Variants in GPD2 observed in about 807,000 individuals in gnomAD.
GPD2 encodes glycerol-3-phosphate dehydrogenase, mitochondrial.
Under a neutral mutation model 82.4 loss-of-function variants are expected in GPD2, and 54 were observed. The ratio of observed to expected loss-of-function variants is 0.66; its 90% CI spans 0.53 to 0.82. The LOEUF is 0.82. GPD2 is among the 40% of genes least tolerant of loss of function. GPD2 has a pLI of 0.00. For synonymous variants in GPD2, 288 were observed against 306.1 expected, an observed-to-expected ratio of 0.94 and a Z score of 0.62; for missense variants, 748 against 896.2, an observed-to-expected ratio of 0.83 and a Z score of 2.11.
Position 156,496,260 on chromosome 2 carries a change from A to C in GPD2, c.274+45A>C, listed in dbSNP as rs988214746. 3 of 1,266,692 alleles carry C rather than the reference A, an allele frequency of 2.4e-6. No individual in the cohort carries two copies. The Admixed American group carries it at 5.5e-5, about 23-fold the overall frequency. 78.5% of individuals were successfully genotyped at this position (1,266,692 alleles called of 1,614,324 possible). On this transcript the variant is annotated intron_variant, in intron 3 of 16. Coordinates refer to ENST00000438166, the MANE Select transcript of GPD2 (RefSeq NM_000408.5). ...ATTTTAATTTTAAGTTCTGGGGTAC[A>C]TGTGCAGGATGTGCAGGTTTGTTAC...
intron 8 of GPD2, among the ~76,000 whole-genome samples, chr2:156,551,295 A>G (rs972727265): frequency 1.3e-5 from 2 of 152,208 alleles, no homozygotes; most frequent in African/African-American, 4.8e-5. Context: ...GAGTAGAGAT[A>G]AAATAAGAAT....
rs144574456 is a variant in GPD2 at position 156,549,753 on chromosome 2, G to A, written c.807G>A (p.Arg269=). 3 of 1,613,708 alleles carry A rather than the reference G, an allele frequency of 1.9e-6. No individual in the cohort carries two copies. The highest frequency in any genetic ancestry group is 1.7e-6 in the Non-Finnish European group (2 of 1,179,656). Residue 269 remains arginine, a synonymous_variant, in exon 7 of 17, where the codon CGG becomes CGA. Transcript: ENST00000438166. ...QTGKVRVSGA[R]CKDVLTGQEF... ...GGAAAGTGCGTGTGAGCGGCGCACG[G>A]TGCAAGGATGTCCTCACAGGTATGC...
intron 1 of GPD2, among the ~76,000 whole-genome samples, chr2:156,447,040 A>G (rs555779859): frequency 2.0e-5 from 3 of 152,002 alleles, no homozygotes; most frequent in African/African-American, 4.8e-5. Flanking sequence ...GCCTTATTCT[A>G]TGACATTTTT....
chr2:156,505,418 CAAT>C (rs1395714951), intron 3 of GPD2, among the ~76,000 whole-genome samples: 22 of 152,128 alleles, frequency 1.4e-4, no homozygotes, highest in Admixed American at 5.9e-4. Flanking sequence ...TAAAAGTAAT[CAAT>C]AATAAAAACA....
At chr2:156,581,874 A>G (rs1005923744) in intron 16 of GPD2, among the ~76,000 whole-genome samples, 7 of 152,008 alleles carry the variant, frequency 4.6e-5, no homozygotes, top group East Asian at 1.9e-4. Context: ...ACGTGTCTCT[A>G]TAGGCTAAAA....
Position 156,510,898 on chromosome 2 carries a change from T to A in GPD2, c.377T>A (p.Ile126Asn), listed in dbSNP as rs777648806. Reference sequence around the variant, plus strand: ...GGTGTGAGATATCTGCAGAAGGCCATCATGAAGTTGGATATTGAGCAGGTA... The same window carrying A: ...GGTGTGAGATATCTGCAGAAGGCCAACATGAAGTTGGATATTGAGCAGGTA... ...HGGVRYLQKA[I>N]MKLDIEQYRM... The change falls in exon 4 of 17, where the codon ATC (isoleucine) becomes AAC (asparagine). Residue 126 changes from isoleucine (I) to asparagine (N), a missense_variant. Physicochemically the swap from Ile to Asn is moderately radical, Grantham distance 149 (BLOSUM62 -3). This residue lies in a region of GPD2 where 692 missense variants were observed against 809.7 expected (regional missense o/e 0.85). Transcript: ENST00000438166. 33 of 1,613,490 alleles carry A rather than the reference T, an allele frequency of 2.0e-5. No individual in the cohort carries two copies. Among genetic ancestry groups the A allele is most frequent in the Non-Finnish European group, 2.7e-5 (32 of 1,179,530 alleles).
Position 156,513,326 on chromosome 2 carries a change from G to A in GPD2, c.498-7G>A. On this transcript the variant is annotated splice_polypyrimidine_tract_variant and splice_region_variant and intron_variant, in intron 5 of 16. Coordinates refer to ENST00000438166, the MANE Select transcript of GPD2 (RefSeq NM_000408.5). ...CTGAAGAACTTTCCCCCCTATTTAT[G>A]CTGTAGGTGGTGGCAGTTACCTTAC... 1 of 1,601,004 alleles carries A rather than the reference G, an allele frequency of 6.2e-7. No individual in the cohort carries two copies. The highest frequency in any genetic ancestry group is 8.5e-7 in the Non-Finnish European group (1 of 1,169,818).
the GPD2 span, among the ~76,000 whole-genome samples, chr2:156,425,132 C>T: frequency 6.6e-6 from 1 of 151,190 alleles, no homozygotes; most frequent in African/African-American, 2.4e-5. Context: ...GGCTCTTGCC[C>T]GTCACTCAGT....
At chr2:156,415,416 C>G in the GPD2 span, among the ~76,000 whole-genome samples, 11 of 151,854 alleles carry the variant, frequency 7.2e-5, no homozygotes, top group Non-Finnish European at 1.5e-4. Flanking sequence ...CCTCGGCCTT[C>G]CAAAGTGCTG....
At chr2:156,495,732 A>G (rs1186463776) in intron 2 of GPD2, 3 of 394,720 alleles carry the variant, frequency 7.6e-6, no homozygotes, top group Admixed American at 7.4e-5. Context: ...ATTGCCTTAG[A>G]TAAGGTATTT....
intron 3 of GPD2, among the ~76,000 whole-genome samples, chr2:156,499,920 C>T (rs1323859094): frequency 1.3e-5 from 2 of 151,580 alleles, no homozygotes; most frequent in Non-Finnish European, 2.9e-5. Context: ...AACAACTTAG[C>T]AGTTTATTAC....
chr2:156,444,845 A>G (rs993283732), intron 1 of GPD2, among the ~76,000 whole-genome samples: 3 of 152,156 alleles, frequency 2.0e-5, no homozygotes, highest in Admixed American at 6.5e-5. Context: ...TTGCACTCCT[A>G]CGTCACGCGA....
the GPD2 span, among the ~76,000 whole-genome samples, chr2:156,417,705 T>C: frequency 6.6e-6 from 1 of 152,028 alleles, no homozygotes; most frequent in Non-Finnish European, 1.5e-5. Flanking sequence ...TAGGAAAAAG[T>C]TATATTTTAT....
At chr2:156,417,530 G>A in the GPD2 span, among the ~76,000 whole-genome samples, 20 of 152,128 alleles carry the variant, frequency 1.3e-4, no homozygotes, top group South Asian at 4.2e-3. Flanking sequence ...CATATTTATT[G>A]AGCACCTATT....
At chr2:156,442,777 C>T (rs183157305) in intron 1 of GPD2, among the ~76,000 whole-genome samples, 1 of 152,010 alleles carries the variant, frequency 6.6e-6, no homozygotes, top group African/African-American at 2.4e-5. Context: ...CCAGCTTGGG[C>T]AACAGAGCAA....
At chr2:156,471,625 C>G (rs1032980279) in intron 1 of GPD2, among the ~76,000 whole-genome samples, 1 of 152,190 alleles carries the variant, frequency 6.6e-6, no homozygotes, top group Non-Finnish European at 1.5e-5. Flanking sequence ...ACTCACTCCC[C>G]TCCAAATTTT....
chr2:156,401,161 A>G, the GPD2 span, among the ~76,000 whole-genome samples: 1 of 152,166 alleles, frequency 6.6e-6, no homozygotes, highest in South Asian at 2.1e-4. Flanking sequence ...TTGGCCGGGA[A>G]TCGAACCCGG....
intron 8 of GPD2, among the ~76,000 whole-genome samples, chr2:156,554,064 C>T (rs1686868228): frequency 6.6e-6 from 1 of 152,150 alleles, no homozygotes; most frequent in South Asian, 2.1e-4. Flanking sequence ...GCAGATGAGC[C>T]CCTTCTCTTT....
chr2:156,583,093 C>T lies in GPD2; in HGVS notation c.*175C>T, dbSNP rs1288980758. 5.8e-6 allele frequency: 4 copies of T among 688,764 alleles called. No homozygotes were observed. The highest frequency in any genetic ancestry group is 3.6e-5 in the African/African-American group (2 of 55,822). The allele number at this position is 688,764 out of a possible 1,614,324, so 42.7% of individuals were successfully genotyped here. On this transcript the variant is annotated 3_prime_UTR_variant, in exon 17 of 17. Transcript: ENST00000438166. Reference sequence around the variant, plus strand: ...GTATTTGCCAGCTTTATTTGCTGTACTTTATTTGTATTTGCCATTCAGTCT... The same window carrying T: ...GTATTTGCCAGCTTTATTTGCTGTATTTTATTTGTATTTGCCATTCAGTCT...
Sources: gnomAD v4.1 joint callset for allele counts (sites outside exome capture counted in the v4.1 genomes callset) on GRCh38, gnomAD v4.1.1 for gene constraint, gnomAD v4.1.1 regional missense constraint, MANE v1.5 for transcripts, NCBI Gene and HGNC (gene_info 2026-07-23, HGNC 2026-07-21) for gene names.